The following PRELID2 variants were observed in gnomAD, a reference collection of about 807,000 sequenced individuals.
The protein encoded by PRELID2 is PRELI domain-containing protein 2.
PRELID2 carries 25 observed loss-of-function variants against 28.4 expected under a neutral mutation model. The ratio of observed to expected loss-of-function variants is 0.88; its 90% CI spans 0.64 to 1.23. The LOEUF is 1.23. Ranked by LOEUF, PRELID2 falls within the 50% of genes most tolerant of loss-of-function variation. PRELID2 has a pLI of 0.00. For synonymous variants in PRELID2, 76 were observed against 71.6 expected (o/e 1.06, Z -0.31); for missense variants, 201 against 214.4 (o/e 0.94, Z 0.39).
intron 4 of PRELID2, among the ~76,000 whole-genome samples, chr5:145,799,043 A>G (rs760612609): frequency 6.9e-6 from 1 of 144,258 alleles, no homozygotes. Flanking sequence ...TATATATATA[A>G]AAGACTCACA....
intron 1 of PRELID2, among the ~76,000 whole-genome samples, chr5:145,639,637 T>C (rs899711308): frequency 6.6e-6 from 1 of 152,160 alleles, no homozygotes; most frequent in Admixed American, 6.5e-5. Flanking sequence ...TCTATCTGCC[T>C]TTTTCCTATT....
At chr5:145,755,856 G>A (rs759080166), downstream of PRELID2, among the ~76,000 whole-genome samples, 13 of 152,130 alleles carry the variant, frequency 8.5e-5, no homozygotes, top group Non-Finnish European at 1.5e-4. Flanking sequence ...CCATACCTGG[G>A]CTCTAGCATT....
At chr5:145,812,074 C>G (rs1430316561) in intron 4 of PRELID2, among the ~76,000 whole-genome samples, 2 of 152,132 alleles carry the variant, frequency 1.3e-5, no homozygotes, top group African/African-American at 4.8e-5. Flanking sequence ...CTATATCATT[C>G]CTCTGAACAC....
intron 1 of PRELID2, among the ~76,000 whole-genome samples, chr5:145,830,987 A>C (rs765597093): frequency 1.3e-5 from 2 of 152,250 alleles, no homozygotes; most frequent in Non-Finnish European, 2.9e-5. Flanking sequence ...CCATTGTGCA[A>C]AATCAGATTA....
chr5:145,703,110 G>T (rs903127514), intron 1 of PRELID2, among the ~76,000 whole-genome samples: 3 of 152,158 alleles, frequency 2.0e-5, no homozygotes, highest in African/African-American at 7.2e-5. Flanking sequence ...TGGCCATCAA[G>T]TGTCAAGTAT....
At chr5:145,424,839 C>A in the PRELID2 span, among the ~76,000 whole-genome samples, 1 of 152,096 alleles carries the variant, frequency 6.6e-6, no homozygotes, top group Non-Finnish European at 1.5e-5. Context: ...CTAGGCAATA[C>A]CATTCAGGAC....
At chr5:145,562,874 T>A (rs1752935891) in intron 1 of PRELID2, among the ~76,000 whole-genome samples, 1 of 151,914 alleles carries the variant, frequency 6.6e-6, no homozygotes, top group Non-Finnish European at 1.5e-5. Context: ...CAAAGTAGAG[T>A]TTTTTTCTAG....
At chr5:145,398,465 G>A in the PRELID2 span, among the ~76,000 whole-genome samples, 1 of 152,052 alleles carries the variant, frequency 6.6e-6, no homozygotes, top group Non-Finnish European at 1.5e-5. Flanking sequence ...TGTCTCTCAT[G>A]CCTGCCTTCT....
intron 1 of PRELID2, among the ~76,000 whole-genome samples, chr5:145,576,822 C>T (rs1273891825): frequency 6.6e-6 from 1 of 152,106 alleles, no homozygotes; most frequent in Non-Finnish European, 1.5e-5. Context: ...GTAATGTTCT[C>T]ACTACAAATA....
intron 4 of PRELID2, among the ~76,000 whole-genome samples, chr5:145,805,336 T>C (rs1753422563): frequency 6.6e-6 from 1 of 152,180 alleles, no homozygotes; most frequent in Non-Finnish European, 1.5e-5. Flanking sequence ...TAACTGATCA[T>C]GCTTTATAAG....
chr5:145,559,456 A>T (rs1752908449), intron 1 of PRELID2, among the ~76,000 whole-genome samples: 1 of 152,170 alleles, frequency 6.6e-6, no homozygotes, highest in South Asian at 2.1e-4. Context: ...AAAAATACAT[A>T]ATGTAGTCTT....
intron 1 of PRELID2, among the ~76,000 whole-genome samples, chr5:145,644,248 T>C (rs1000850445): frequency 6.6e-6 from 1 of 152,204 alleles, no homozygotes; most frequent in African/African-American, 2.4e-5. Context: ...TGGGAGGGTG[T>C]ATGTGTCCAG....
chr5:145,806,387 C>T (rs1268195292), intron 4 of PRELID2, among the ~76,000 whole-genome samples: 3 of 152,114 alleles, frequency 2.0e-5, no homozygotes, highest in Non-Finnish European at 4.4e-5. Flanking sequence ...TCATGATCAT[C>T]AATATCACTG....
chr5:145,326,012 C>A, the PRELID2 span, among the ~76,000 whole-genome samples: 703 of 152,188 alleles, frequency 4.6e-3, 6 homozygotes, highest in African/African-American at 0.016. Context: ...AATTGGAAGA[C>A]TCAAAATATT....
At chr5:145,489,278 A>G (rs1414574135) in intron 1 of PRELID2, among the ~76,000 whole-genome samples, 1 of 152,212 alleles carries the variant, frequency 6.6e-6, no homozygotes, top group Admixed American at 6.5e-5. Context: ...ACGAAGCATC[A>G]TCATTAGCTA....
chr5:145,696,886 T>G (rs1048767290), intron 1 of PRELID2, among the ~76,000 whole-genome samples: 11 of 151,458 alleles, frequency 7.3e-5, no homozygotes, highest in Admixed American at 1.3e-4. Flanking sequence ...GCATACAGTA[T>G]GTACTAAAAA....
chr5:145,562,344 T>C (rs1047454158), intron 1 of PRELID2, among the ~76,000 whole-genome samples: 2 of 152,216 alleles, frequency 1.3e-5, no homozygotes, highest in Admixed American at 1.3e-4. Flanking sequence ...TCGCCTAAAA[T>C]ACCAGGATTA....
At chr5:145,256,917 A>AT in the PRELID2 span, among the ~76,000 whole-genome samples, 7 of 149,878 alleles carry the variant, frequency 4.7e-5, no homozygotes, top group South Asian at 4.2e-4. Context: ...AATGAAGATA[A>AT]TTTTTTTTTT....
intron 1 of PRELID2, among the ~76,000 whole-genome samples, chr5:145,496,237 T>C (rs1277641511): frequency 1.3e-5 from 2 of 152,146 alleles, no homozygotes; most frequent in Non-Finnish European, 2.9e-5. Context: ...TGGCTCTATT[T>C]TAGACTTGTT....
Sources: allele counts gnomAD v4.1 joint callset (sites outside exome capture counted in the v4.1 genomes callset), GRCh38; gene constraint gnomAD v4.1.1; transcripts MANE v1.5; gene names NCBI Gene and HGNC (gene_info 2026-07-23, HGNC 2026-07-21).